The following ARHGEF3 variants were observed in gnomAD, a reference collection of about 807,000 sequenced individuals.
ARHGEF3 encodes Rho guanine nucleotide exchange factor 3, also known as 59.8 kDA protein.
Under a neutral mutation model 63.2 loss-of-function variants are expected in ARHGEF3, and 28 were observed. The ratio of observed to expected loss-of-function variants is 0.44; its 90% CI spans 0.33 to 0.61. The LOEUF (loss-of-function observed/expected upper bound fraction) is 0.61. Among genes scored for constraint, ARHGEF3 ranks in the 20% least tolerant of loss-of-function variants. The pLI, the probability that ARHGEF3 is intolerant of heterozygous loss-of-function variation, is 0.03. For missense variants in ARHGEF3, 533 were observed against 659.3 expected (o/e 0.81, Z 2.10); for synonymous variants, 266 against 254.2 (o/e 1.05, Z -0.44).
At chr3:56,882,150 T>TA in intron 4 of ARHGEF3, 23 of 724,996 alleles carry the variant, frequency 3.2e-5, no homozygotes, top group South Asian at 4.3e-5. Flanking sequence ...GTTTTTCAGT[T>TA]AAAAAAAATT....
chr3:57,056,348 C>T (rs967321608), intron 1 of ARHGEF3, among the ~76,000 whole-genome samples: 10 of 145,370 alleles, frequency 6.9e-5, no homozygotes, highest in African/African-American at 2.3e-4. Flanking sequence ...GATTGTGCCA[C>T]TGCACTCCAG....
At chr3:56,811,937 C>A (rs1280336510) in intron 4 of ARHGEF3, among the ~76,000 whole-genome samples, 80 of 152,292 alleles carry the variant, frequency 5.3e-4, no homozygotes, top group Admixed American at 5.2e-3. Flanking sequence ...ACCTCTTCTT[C>A]CCCAGTAGTC....
chr3:56,951,943 T>C (rs1699832185), intron 3 of ARHGEF3, among the ~76,000 whole-genome samples: 1 of 152,032 alleles, frequency 6.6e-6, no homozygotes, highest in Non-Finnish European at 1.5e-5. Flanking sequence ...AGGCAAGTTA[T>C]TCCCTTCTCT....
intron 3 of ARHGEF3, among the ~76,000 whole-genome samples, chr3:56,926,894 C>T (rs564505428): frequency 1.3e-5 from 2 of 152,314 alleles, no homozygotes; most frequent in East Asian, 3.9e-4. Flanking sequence ...CCCAGAATGA[C>T]CCTTTGAGGC....
intron 2 of ARHGEF3, among the ~76,000 whole-genome samples, chr3:56,966,086 T>C (rs946838223): frequency 1.3e-5 from 2 of 152,216 alleles, no homozygotes; most frequent in African/African-American, 4.8e-5. Context: ...ACACACAAAA[T>C]ACTACTCTAT....
intron 2 of ARHGEF3, among the ~76,000 whole-genome samples, chr3:56,966,921 T>C (rs1700521761): frequency 6.6e-6 from 1 of 150,696 alleles, no homozygotes; most frequent in Admixed American, 6.6e-5. Context: ...TGGAGTGCAA[T>C]AGCGCAATCT....
chr3:56,784,838 C>T (rs779799645), intron 1 of ARHGEF3, among the ~76,000 whole-genome samples: 9 of 152,192 alleles, frequency 5.9e-5, no homozygotes, highest in African/African-American at 2.2e-4. Flanking sequence ...CAATACCCTA[C>T]GACCTTGGGC....
intron 4 of ARHGEF3, among the ~76,000 whole-genome samples, chr3:56,851,953 T>C (rs1160863607): frequency 1.3e-5 from 2 of 152,204 alleles, no homozygotes; most frequent in African/African-American, 4.8e-5. Flanking sequence ...AATGTTATGC[T>C]AATGGGTCAT....
chr3:56,989,800 C>T (rs986381035), intron 2 of ARHGEF3, among the ~76,000 whole-genome samples: 4 of 152,206 alleles, frequency 2.6e-5, no homozygotes, highest in Admixed American at 6.5e-5. Context: ...ACTTTACGCA[C>T]GGGAGCCAAC....
chr3:56,845,749 C>T (rs1166007644), intron 4 of ARHGEF3, among the ~76,000 whole-genome samples: 1 of 152,218 alleles, frequency 6.6e-6, no homozygotes, highest in African/African-American at 2.4e-5. Flanking sequence ...TCATATCCTT[C>T]TTCCAAAACC....
intron 6 of ARHGEF3, among the ~76,000 whole-genome samples, chr3:56,748,985 T>C (rs1413453936): frequency 6.7e-6 from 1 of 149,058 alleles, no homozygotes; most frequent in Non-Finnish European, 1.5e-5. Flanking sequence ...GGGACTCTTC[T>C]CATCCAAAGT....
At chr3:56,762,876 G>T (rs2035501716) in intron 2 of ARHGEF3, among the ~76,000 whole-genome samples, 1 of 152,148 alleles carries the variant, frequency 6.6e-6, no homozygotes, top group East Asian at 1.9e-4. Context: ...TCTCCTATGA[G>T]GCTCCATTAC....
At chr3:56,837,839 C>A (rs1167718650) in intron 4 of ARHGEF3, among the ~76,000 whole-genome samples, 1 of 152,214 alleles carries the variant, frequency 6.6e-6, no homozygotes, top group Admixed American at 6.5e-5. Flanking sequence ...CATGTGCACA[C>A]AGCCACCTGA....
intron 1 of ARHGEF3, among the ~76,000 whole-genome samples, chr3:56,785,961 C>T (rs1486730464): frequency 6.6e-6 from 1 of 152,182 alleles, no homozygotes; most frequent in East Asian, 1.9e-4. Flanking sequence ...AGCAGACAGG[C>T]CTTGCAGAGA....
intron 2 of ARHGEF3, among the ~76,000 whole-genome samples, chr3:56,965,374 GAA>G (rs1700449242): frequency 6.6e-6 from 1 of 152,094 alleles, no homozygotes; most frequent in Non-Finnish European, 1.5e-5. Flanking sequence ...ACTGTCCCAA[GAA>G]GAAATAGAAA....
intron 3 of ARHGEF3, among the ~76,000 whole-genome samples, chr3:56,932,267 T>G (rs1276739803): frequency 3.3e-5 from 5 of 152,120 alleles, no homozygotes; most frequent in Non-Finnish European, 5.9e-5. Context: ...ATGCACCCCA[T>G]AGAAACGTAC....
intron 4 of ARHGEF3, among the ~76,000 whole-genome samples, chr3:56,855,988 C>T (rs577235870): frequency 6.6e-6 from 1 of 152,198 alleles, no homozygotes; most frequent in African/African-American, 2.4e-5. Context: ...GGCTTCTTTT[C>T]TTTTCCTGGT....
chr3:56,967,565 A>G (rs1369544564), intron 2 of ARHGEF3, among the ~76,000 whole-genome samples: 1 of 91,952 alleles, frequency 1.1e-5, no homozygotes, highest in Non-Finnish European at 1.9e-5. Flanking sequence ...TATATAATAT[A>G]TAATATATAT....
At chr3:56,742,915 T>A (rs527700009) in intron 7 of ARHGEF3, among the ~76,000 whole-genome samples, 2 of 152,004 alleles carry the variant, frequency 1.3e-5, no homozygotes, top group African/African-American at 4.8e-5. Flanking sequence ...GCTCACTGGG[T>A]ATTTTTTAAA....
Sources: allele counts gnomAD v4.1 joint callset (sites outside exome capture counted in the v4.1 genomes callset), GRCh38; gene constraint gnomAD v4.1.1; transcripts MANE v1.5; gene names NCBI Gene and HGNC (gene_info 2026-07-23, HGNC 2026-07-21).